The following CIAO1 variants were observed in gnomAD, a reference collection of about 807,000 sequenced individuals.
CIAO1 encodes the protein probable cytosolic iron-sulfur protein assembly protein CIAO1.
A neutral mutation model predicts 43.1 loss-of-function variants in CIAO1; 32 were observed. The observed-to-expected ratio is 0.74, with a 90% confidence interval of 0.56 to 1.00. The LOEUF is 1.00. Ranked by LOEUF, CIAO1 falls within the 50% of genes least tolerant of loss-of-function variation. CIAO1 has a pLI of 0.00. For missense variants in CIAO1, 415 were observed against 437.4 expected, an observed-to-expected ratio of 0.95 and a Z score of 0.46; for synonymous variants, 183 against 171.4, an observed-to-expected ratio of 1.07 and a Z score of -0.53.
chr2:96,266,858 G>A (rs1684441870), intron 1 of CIAO1, among the ~76,000 whole-genome samples: 1 of 152,114 alleles, frequency 6.6e-6, no homozygotes, highest in African/African-American at 2.4e-5. Flanking sequence ...CCAGAGGTTG[G>A]GCGCGGTGGC....
rs759201606 is a variant in CIAO1 at position 96,271,660 on chromosome 2, G to T, written c.*309G>T. On this transcript the variant is annotated 3_prime_UTR_variant, in exon 7 of 7. Transcript: ENST00000488633. The stretch of plus-strand genomic sequence containing the variant: ...TAATCACTATATATAGTAGGAGGGG[G>T]TATGTGTCTCAGGCTTTTCTGAAGT... The T allele has an allele frequency of 1.3e-5, 3 of 222,892 alleles. No individual in the cohort carries two copies. The highest frequency in any genetic ancestry group is 2.3e-5 in the African/African-American group (1 of 43,790). 13.8% of individuals were successfully genotyped at this position (222,892 alleles called of 1,614,324 possible).
At position 96,266,355 on chromosome 2, in the gene CIAO1, A is replaced by G; in HGVS notation, c.5A>G (p.Lys2Arg). 1 of 1,451,124 alleles carries G rather than the reference A, an allele frequency of 6.9e-7. No individual in the cohort carries two copies. Among genetic ancestry groups the G allele is most frequent in the East Asian group, 2.8e-5 (1 of 35,258 alleles). The allele number at this position is 1,451,124 out of a possible 1,614,324, so 89.9% of individuals were successfully genotyped here. The change falls in exon 1 of 7, where the codon AAG (lysine) becomes AGG (arginine). Residue 2 changes from lysine to arginine, a missense_variant. Physicochemically the swap from Lys to Arg is conservative, Grantham distance 26. Coordinates refer to ENST00000488633, the MANE Select transcript of CIAO1 (RefSeq NM_004804.3). Reference protein sequence around the residue: MKDSLVLLGRVP... With the variant: MRDSLVLLGRVP... ...CTCCCCCTGCGTCGGGCCGACATGA[A>G]GGACTCGCTGGTGCTGCTGGGCCGT...
rs762103160 is a variant in CIAO1, at chr2:96,271,800, T to C, written c.*449T>C. 2.9e-4 allele frequency: 46 copies of C among 159,792 alleles called. No homozygotes were observed. The highest frequency in any genetic ancestry group is 1.2e-4 in the Admixed American group (2 of 16,724). The allele number at this position is 159,792 out of a possible 1,614,324, so 9.9% of individuals were successfully genotyped here. ...ATAGGTCCTCCCTTCCCAGTTTCTG[T>C]GTAAGTCTTTGCATTTAAGACATCC... On this transcript the variant is annotated 3_prime_UTR_variant, in exon 7 of 7. Transcript: ENST00000488633.
rs1046806368 is a variant in CIAO1 at position 96,266,261 on chromosome 2, G to A, written c.-90G>A. Reference sequence around the variant, plus strand: ...GAGCCTCTGTCGGCCGCGGAAGCCTGGAGTGGGCGGTACGCAGACGCGCGC... The same window carrying A: ...GAGCCTCTGTCGGCCGCGGAAGCCTAGAGTGGGCGGTACGCAGACGCGCGC... On this transcript the variant is annotated 5_prime_UTR_variant, in exon 1 of 7. Transcript: ENST00000488633. 2.6e-5 allele frequency: 33 copies of A among 1,260,566 alleles called. No individual in the cohort carries two copies. Among genetic ancestry groups the A allele is most frequent in the Non-Finnish European group, 3.1e-5 (31 of 993,142 alleles). 78.1% of individuals were successfully genotyped at this position (1,260,566 alleles called of 1,614,324 possible). A position where few individuals can be genotyped will look rare whatever the true frequency, so the allele number is the denominator to read the frequency against.
At chr2:96,267,120 C>CA (rs1684446760) in intron 1 of CIAO1, among the ~76,000 whole-genome samples, 1 of 53,310 alleles carries the variant, frequency 1.9e-5, no homozygotes, top group Admixed American at 3.2e-4. Flanking sequence ...GGCATCAGAG[C>CA]AAAAACTCCG....
chr2:96,270,977 A>T, intron 6 of CIAO1, 134 bp from the exon 7 acceptor site: 1 of 1,041,762 alleles, frequency 9.6e-7, no homozygotes, highest in Non-Finnish European at 1.4e-6. Context: ...ACTCCTTATT[A>T]GTTAAGGAAA....
intron 1 of CIAO1, among the ~76,000 whole-genome samples, chr2:96,266,702 T>C (rs932493792): frequency 6.6e-6 from 1 of 152,204 alleles, no homozygotes; most frequent in Non-Finnish European, 1.5e-5. Flanking sequence ...GGAATTGTGT[T>C]AGCTGCAGAG....
Position 96,267,640 on chromosome 2 carries a change from G to A in CIAO1, c.304G>A (p.Glu102Lys), listed in dbSNP as rs772533972. 6.8e-6 allele frequency: 11 copies of A among 1,613,970 alleles called. No individual in the cohort carries two copies. In the Admixed American group the frequency reaches 1.0e-4, roughly 15 times the overall value. Residue 102 changes from glutamate (E) to lysine (K), a missense_variant, in exon 3 of 7, where the codon GAG (glutamate) becomes AAG (lysine). By Grantham distance (56) the Glu-to-Lys change is moderately conservative. Coordinates refer to ENST00000488633, the MANE Select transcript of CIAO1 (RefSeq NM_004804.3). The stretch of plus-strand genomic sequence containing the variant: ...CCTTTCACAGTGTGTAACCACTCTC[G>A]AGGGCCATGAAAATGAGGTCAAGTC... ...QDDFECVTTLEGHENEVKSVA... is the reference protein window; with the variant it reads ...QDDFECVTTLKGHENEVKSVA...
At position 96,269,641 on chromosome 2, in the gene CIAO1, G is replaced by GT. The variant is rs1253470965; in HGVS notation, c.779+295dup. On this transcript the variant is annotated intron_variant, in intron 6 of 6. Coordinates refer to ENST00000488633, the MANE Select transcript of CIAO1 (RefSeq NM_004804.3). ...ATTGAATCTGCATTCGTGGCTGAGG[G>GT]TTTTTTTTTGTTTTTTTGTTTTTTG... is the stretch of plus-strand genomic sequence containing the variant. 3.3e-3 allele frequency among the ~76,000 whole-genome samples: 502 copies of GT among 151,338 alleles called. 3 individuals are homozygous for GT. The highest frequency in any genetic ancestry group is 0.011 in the African/African-American group (468 of 41,242).
At position 96,267,615 on chromosome 2, in the gene CIAO1, C is replaced by T. The variant is rs56206858; in HGVS notation, c.289-10C>T. On this transcript the variant is annotated splice_polypyrimidine_tract_variant and intron_variant, in intron 2 of 6. Transcript: ENST00000488633. ...TGCTGTTAATTCTCATTTTCTTTCC[C>T]CTTTCACAGTGTGTAACCACTCTCG... The T allele has an allele frequency of 0.01, 16,175 of 1,613,340 alleles. 1,187 individuals are homozygous for T. In the African/African-American group the frequency reaches 0.17, roughly 17 times the overall value.
rs200970067 is a variant in CIAO1 at position 96,267,815 on chromosome 2, T to G, written c.401-21T>G. Reference sequence around the variant, plus strand: ...GTCCCTGACAGGGTCGGCTCTTGGGTCCCCTTTTTCTCTCCCACAGTTGAT... The same window carrying G: ...GTCCCTGACAGGGTCGGCTCTTGGGGCCCCTTTTTCTCTCCCACAGTTGAT... On this transcript the variant is annotated intron_variant, in intron 3 of 6. Coordinates refer to ENST00000488633, the MANE Select transcript of CIAO1 (RefSeq NM_004804.3). The G allele has an allele frequency of 3.7e-6, 6 of 1,613,342 alleles. No individual in the cohort carries two copies. In the African/African-American group the frequency reaches 6.7e-5, roughly 18 times the overall value.
At position 96,268,530 on chromosome 2, in the gene CIAO1, C is replaced by T. The variant is rs769876006; in HGVS notation, c.563C>T (p.Ala188Val). ...GAAGAGGATGACTGGGTATGCTGTG[C>T]CACCCTTGAGGGCCATGAATCCACT... ...REEEDDWVCC[A>V]TLEGHESTVW... is the part of the protein sequence containing the mutation. Residue 188 changes from alanine (A) to valine (V), a missense_variant, in exon 5 of 7, where the codon GCC becomes GTC. Physicochemically the swap from Ala to Val is moderately conservative, Grantham distance 64. Transcript: ENST00000488633. 90 of 1,614,062 alleles carry T rather than the reference C, an allele frequency of 5.6e-5. No homozygotes were observed. The Middle Eastern group carries it at 1.2e-3, about 21-fold the overall frequency.
chr2:96,272,404 GGGAGGATCTGT>G lies in CIAO1; in HGVS notation c.*1055_*1065del, dbSNP rs1272146396. ...TCCTGGGAGTCCCAAGACCCTTTCA[GGGAGGATCTGT>G]GAGGTCAACTGTTGGCACTGTGGCA... On this transcript the variant is annotated 3_prime_UTR_variant, in exon 7 of 7. Transcript: ENST00000488633. 6.6e-6 allele frequency: 1 copy of G among 152,272 alleles called. No homozygotes were observed. 9.4% of individuals were successfully genotyped at this position (152,272 alleles called of 1,614,324 possible).
Position 96,267,628 on chromosome 2 carries a change from G to C in CIAO1, c.292G>C (p.Val98Leu). Residue 98 changes from valine (V) to leucine (L), a missense_variant, in exon 3 of 7, where the codon GTA (valine) becomes CTA (leucine). Transcript: ENST00000488633. ...CATTTTCTTTCCCCTTTCACAGTGT[G>C]TAACCACTCTCGAGGGCCATGAAAA... ...WKKNQDDFEC[V>L]TTLEGHENEV... The C allele has an allele frequency of 6.2e-7, 1 of 1,614,054 alleles. No individual in the cohort carries two copies. The highest frequency in any genetic ancestry group is 8.5e-7 in the Non-Finnish European group (1 of 1,179,920).
At chr2:96,269,159 A>G (rs1050718713) in intron 5 of CIAO1, 109 bp from the exon 6 acceptor site, 5 of 902,450 alleles carry the variant, frequency 5.5e-6, no homozygotes, top group Non-Finnish European at 7.4e-6. Flanking sequence ...GAACGGAGAC[A>G]CAGACTCATA....
rs1684543510 is a variant in CIAO1, at chr2:96,271,214, A to C, written c.883A>C (p.Thr295Pro). 6.2e-7 allele frequency: 1 copy of C among 1,614,264 alleles called. No individual in the cohort carries two copies. Residue 295 changes from threonine to proline, a missense_variant, in exon 7 of 7, where the codon ACA becomes CCA. Transcript: ENST00000488633. ...SDPQQPTFSL[T>P]AHLHQAHSQD... is the part of the protein sequence containing the mutation. ...TCCACAGCAGCCCACCTTCTCCCTGACAGCCCACTTGCATCAGGCCCATTC... is the reference window on the plus strand; with the variant it reads ...TCCACAGCAGCCCACCTTCTCCCTGCCAGCCCACTTGCATCAGGCCCATTC...
rs951759616 is a variant in CIAO1 at position 96,272,671 on chromosome 2, A to G, written c.*1320A>G. On this transcript the variant is annotated 3_prime_UTR_variant, in exon 7 of 7. Transcript: ENST00000488633. The stretch of plus-strand genomic sequence containing the variant: ...TCTAAAAATACAAAATTAGCTGGGC[A>G]TGGTGGTGCATGCCTGTAATTCCAG... 6.6e-6 allele frequency: 1 copy of G among 152,108 alleles called. No homozygotes were observed. Among genetic ancestry groups the G allele is most frequent in the Non-Finnish European group, 1.5e-5 (1 of 68,034 alleles). The allele number at this position is 152,108 out of a possible 1,614,324, so 9.4% of individuals were successfully genotyped here. A position where few individuals can be genotyped will look rare whatever the true frequency, so the allele number is the denominator to read the frequency against.
chr2:96,268,877 G>C (rs1219496403), intron 5 of CIAO1: 1 of 578,918 alleles, frequency 1.7e-6, no homozygotes, highest in African/African-American at 1.9e-5. Flanking sequence ...AATTTCACGT[G>C]AGAATTCAAG....
chr2:96,266,702 T>A (rs932493792), intron 1 of CIAO1, among the ~76,000 whole-genome samples: 1 of 152,204 alleles, frequency 6.6e-6, no homozygotes, highest in African/African-American at 2.4e-5. Context: ...GGAATTGTGT[T>A]AGCTGCAGAG....
Sources: allele counts gnomAD v4.1 joint callset (sites outside exome capture counted in the v4.1 genomes callset), GRCh38; gene constraint gnomAD v4.1.1; transcripts MANE v1.5; gene names NCBI Gene and HGNC (gene_info 2026-07-23, HGNC 2026-07-21).